The following RAP1A variants were observed in gnomAD, a reference collection of about 807,000 sequenced individuals.
RAP1A encodes the protein ras-related protein Rap-1A.
RAP1A carries 6 observed loss-of-function variants against 26.4 expected under a neutral mutation model. The observed-to-expected ratio is 0.23, with a 90% CI of 0.12 to 0.45. The LOEUF (loss-of-function observed/expected upper bound fraction) is 0.45, where lower values mean the gene tolerates loss of function less well. Ranked by LOEUF, RAP1A falls within the 20% of genes least tolerant of loss-of-function variation. The pLI is 0.99. For missense variants in RAP1A, 121 were observed against 217.2 expected (o/e 0.56, Z 2.78); for synonymous variants, 73 against 79.4 (o/e 0.92, Z 0.43).
intron 1 of RAP1A, among the ~76,000 whole-genome samples, 184 bp downstream of exon 1, chr1:111,620,118 GGAGGCCCGGCCGCCGCCAGGGCCA>G (rs1659142670): frequency 6.6e-6 from 1 of 152,096 alleles, no homozygotes; most frequent in African/African-American, 2.4e-5. Flanking sequence ...CGGAGATCTG[GGAGGCCCGGCCGCCGCCAGGGCCA>G]GAGCCAACCA....
upstream of RAP1A, among the ~76,000 whole-genome samples, chr1:111,615,689 G>C (rs1658999740): frequency 6.6e-6 from 1 of 152,104 alleles, no homozygotes; most frequent in African/African-American, 2.4e-5. Context: ...AAATTAGCTG[G>C]CCGTGGTGGC....
intron 6 of RAP1A, among the ~76,000 whole-genome samples, chr1:111,704,694 A>G (rs1467252768): frequency 6.6e-6 from 1 of 152,200 alleles, no homozygotes; most frequent in Admixed American, 6.5e-5. Context: ...AATTTACCTT[A>G]TTGTAAAAGA....
intron 1 of RAP1A, among the ~76,000 whole-genome samples, chr1:111,585,270 T>C (rs974644855): frequency 3.9e-5 from 6 of 152,228 alleles, no homozygotes; most frequent in African/African-American, 1.4e-4. Flanking sequence ...TAAATTACTC[T>C]CTATATCTCT....
At position 111,690,856 on chromosome 1, in the gene RAP1A, A is replaced by G. The variant is rs540695786; in HGVS notation, c.-27-478A>G. ...CACATCTTTAATTATTTTCAAGATG[A>G]CATTTTAAATGGTTCAGCTATAATA... On this transcript the variant is annotated intron_variant, in intron 1 of 7. Transcript: ENST00000369709. Among the ~76,000 whole-genome samples the G allele has an allele frequency of 1.6e-3, 239 of 152,326 alleles. 2 individuals carry two copies. Among genetic ancestry groups the G allele is most frequent in the African/African-American group, 5.4e-3 (226 of 41,574 alleles).
chr1:111,697,647 A>C, intron 4 of RAP1A, 150 bp downstream of exon 4: 1 of 1,434,622 alleles, frequency 7.0e-7, no homozygotes. Flanking sequence ...TAAGTATATG[A>C]AATCAACTCT....
chr1:111,646,155 C>T (rs1010062395), intron 1 of RAP1A, among the ~76,000 whole-genome samples: 5 of 152,160 alleles, frequency 3.3e-5, no homozygotes, highest in African/African-American at 1.2e-4. Flanking sequence ...TACAAGTAAA[C>T]ATCTTTTCCT....
At chr1:111,590,591 G>C (rs1658452415) in intron 1 of RAP1A, among the ~76,000 whole-genome samples, 1 of 150,966 alleles carries the variant, frequency 6.6e-6, no homozygotes. Context: ...ATTTTCTAAT[G>C]GTCTTTTTTT....
intron 7 of RAP1A, among the ~76,000 whole-genome samples, chr1:111,710,896 A>G (rs766692616): frequency 2.0e-5 from 3 of 152,134 alleles, no homozygotes; most frequent in Non-Finnish European, 4.4e-5. Flanking sequence ...ACAGTGGCAC[A>G]CTCTGCTCAC....
intron 1 of RAP1A, among the ~76,000 whole-genome samples, chr1:111,566,277 A>G (rs939780139): frequency 1.3e-5 from 2 of 152,172 alleles, no homozygotes; most frequent in Non-Finnish European, 2.9e-5. Context: ...ATGAGGCAAG[A>G]GTCGGGGGCA....
At chr1:111,691,536 C>A in intron 2 of RAP1A, 119 bp downstream of exon 2, 1 of 842,412 alleles carries the variant, frequency 1.2e-6, no homozygotes, top group South Asian at 1.6e-5. Flanking sequence ...TATCTGATAT[C>A]TGTCCCACAA....
chr1:111,651,724 G>A (rs1660278402), intron 1 of RAP1A, among the ~76,000 whole-genome samples: 1 of 151,864 alleles, frequency 6.6e-6, no homozygotes, highest in African/African-American at 2.4e-5. Context: ...TGATCTGCCT[G>A]CCTCGGCCTC....
chr1:111,679,880 C>G (rs1254138318), intron 1 of RAP1A, among the ~76,000 whole-genome samples: 1 of 152,232 alleles, frequency 6.6e-6, no homozygotes, highest in Non-Finnish European at 1.5e-5. Flanking sequence ...AGAAAGGCAG[C>G]AGCCCCAGTC....
At chr1:111,655,197 A>G (rs1313269183) in intron 1 of RAP1A, among the ~76,000 whole-genome samples, 1 of 151,974 alleles carries the variant, frequency 6.6e-6, no homozygotes, top group Non-Finnish European at 1.5e-5. Context: ...TGAGGGGAAA[A>G]TGACCATGGG....
At chr1:111,556,748 G>A (rs1657506130) in intron 1 of RAP1A, among the ~76,000 whole-genome samples, 1 of 152,060 alleles carries the variant, frequency 6.6e-6, no homozygotes, top group African/African-American at 2.4e-5. Flanking sequence ...GGGAGGAGTG[G>A]ATAGTTAGTG....
At chr1:111,573,773 G>T (rs1658095082) in intron 1 of RAP1A, among the ~76,000 whole-genome samples, 1 of 151,966 alleles carries the variant, frequency 6.6e-6, no homozygotes, top group South Asian at 2.1e-4. Context: ...TTTGAAAAGT[G>T]TCTTTTCATG....
upstream of RAP1A, among the ~76,000 whole-genome samples, chr1:111,617,567 G>GGAC (rs1391053323): frequency 6.6e-6 from 1 of 151,998 alleles, no homozygotes; most frequent in African/African-American, 2.4e-5. Flanking sequence ...TGAGTAGCTG[G>GGAC]GACTACAGGC....
At chr1:111,658,533 A>T (rs1050879070) in intron 1 of RAP1A, among the ~76,000 whole-genome samples, 5 of 152,072 alleles carry the variant, frequency 3.3e-5, no homozygotes, top group African/African-American at 1.2e-4. Context: ...TATTTTTAAA[A>T]TTTTTTACTT....
intron 1 of RAP1A, among the ~76,000 whole-genome samples, chr1:111,677,375 A>C (rs917441608): frequency 6.9e-6 from 1 of 145,420 alleles, no homozygotes; most frequent in Non-Finnish European, 1.5e-5. Flanking sequence ...TACACATTGA[A>C]TTACTTGTGT....
At chr1:111,638,684 C>G (rs929703218) in intron 1 of RAP1A, among the ~76,000 whole-genome samples, 6 of 152,146 alleles carry the variant, frequency 3.9e-5, no homozygotes, top group African/African-American at 9.7e-5. Context: ...CCTTTGCCCC[C>G]CAAAGTTCTG....
Sources: allele counts gnomAD v4.1 joint callset (sites outside exome capture counted in the v4.1 genomes callset), GRCh38; gene constraint gnomAD v4.1.1; transcripts MANE v1.5; gene names NCBI Gene and HGNC (gene_info 2026-07-23, HGNC 2026-07-21).